KDM4B: variants seen among roughly 807,000 people sequenced by gnomAD.
The protein encoded by KDM4B is lysine demethylase 4B.
KDM4B carries 32 observed loss-of-function variants against 125.2 expected under a neutral mutation model. That is an observed-to-expected ratio of 0.26 (90% CI 0.19 to 0.34). The LOEUF (loss-of-function observed/expected upper bound fraction) is 0.34. KDM4B is among the 10% of genes least tolerant of loss of function. The probability of loss-of-function intolerance (pLI) is 1.00; values close to 1 mark genes in which losing one functional copy is unlikely to be tolerated. For synonymous variants in KDM4B, 721 were observed against 677.9 expected, an observed-to-expected ratio of 1.06 and a Z score of -0.99; for missense variants, 1,190 against 1,577.7, an observed-to-expected ratio of 0.75 and a Z score of 4.16.
chr19:5,119,788 C>A lies in KDM4B; in HGVS notation c.1251C>A (p.Asp417Glu), dbSNP rs1007972982. The A allele has an allele frequency of 1.3e-5, 20 of 1,543,868 alleles. No homozygotes were observed. Among genetic ancestry groups the A allele is most frequent in the Non-Finnish European group, 1.7e-5 (20 of 1,144,080 alleles). ...SVKEEAGPEV[D>E]PEEEEEEPQP... Reference sequence around the variant, plus strand: ...AGGAGGAGGCTGGGCCGGAGGTTGACCCCGAGGAGGAGGAGGAGGAGCCGC... The same window carrying A: ...AGGAGGAGGCTGGGCCGGAGGTTGAACCCGAGGAGGAGGAGGAGGAGCCGC... Residue 417 changes from aspartate to glutamate, a missense_variant, in exon 11 of 23, where the codon GAC becomes GAA. Transcript: ENST00000159111.
chr19:5,119,977 C>A, intron 11 of KDM4B, 125 bp downstream of exon 11: 3 of 1,243,432 alleles, frequency 2.4e-6, no homozygotes, highest in Non-Finnish European at 3.3e-6. Context: ...CAGTGGCTTT[C>A]TTGCCAGGGT....
chr19:5,145,046 C>G, intron 21 of KDM4B, 144 bp downstream of exon 21: 5 of 1,027,998 alleles, frequency 4.9e-6, no homozygotes, highest in Non-Finnish European at 7.0e-6. Flanking sequence ...GCCCGCAGGA[C>G]CCAGCTGAGC....
chr19:5,144,110 G>C lies in KDM4B; in HGVS notation c.2694G>C (p.Val898=). The change falls in exon 19 of 23, where the codon GTG becomes GTC. Residue 898 remains valine (V), a synonymous_variant. Coordinates refer to ENST00000159111, the MANE Select transcript of KDM4B (RefSeq NM_015015.3). Reference sequence around the variant, plus strand: ...TGGAGCCGGACGACTGGCCCTATGTGGTCTCCATCACCTGCCTCAAGCACA... The same window carrying C: ...TGGAGCCGGACGACTGGCCCTATGTCGTCTCCATCACCTGCCTCAAGCACA... ...VLMEPDDWPY[V]VSITCLKHKS... is the part of the protein sequence containing the mutation. 5 of 1,602,256 alleles carry C rather than the reference G, an allele frequency of 3.1e-6. No homozygotes were observed. Among genetic ancestry groups the C allele is most frequent in the Non-Finnish European group, 4.3e-6 (5 of 1,171,294 alleles).
intron 1 of KDM4B, among the ~76,000 whole-genome samples, chr19:5,004,169 T>G (rs2145447208): frequency 6.6e-6 from 1 of 152,270 alleles, no homozygotes; most frequent in African/African-American, 2.4e-5. Flanking sequence ...TGGCAGAGAC[T>G]TAAGGATGAG....
chr19:5,085,561 T>A (rs1373230696), intron 9 of KDM4B, among the ~76,000 whole-genome samples: 3 of 152,332 alleles, frequency 2.0e-5, no homozygotes, highest in East Asian at 1.9e-4. Flanking sequence ...CAGACTTAGA[T>A]TGGGCTCCAC....
At chr19:5,131,779 G>C in intron 12 of KDM4B, 108 bp from the exon 13 acceptor site, 1 of 1,395,954 alleles carries the variant, frequency 7.2e-7, no homozygotes, top group African/African-American at 1.4e-5. Flanking sequence ...AGTCACCCCA[G>C]GAGAGGAGAC....
chr19:5,126,031 A>C (rs2039443604), intron 11 of KDM4B, among the ~76,000 whole-genome samples: 1 of 152,202 alleles, frequency 6.6e-6, no homozygotes, highest in African/African-American at 2.4e-5. Flanking sequence ...GTCCTCCTTG[A>C]ATGCCAGTTT....
At chr19:5,149,577 G>T (rs1027587568) in intron 21 of KDM4B, among the ~76,000 whole-genome samples, 2 of 152,164 alleles carry the variant, frequency 1.3e-5, no homozygotes, top group South Asian at 4.1e-4. Flanking sequence ...ACCTTTCCTG[G>T]CTTGGGAACA....
intron 9 of KDM4B, among the ~76,000 whole-genome samples, chr19:5,097,669 G>A (rs529213208): frequency 1.3e-5 from 2 of 152,378 alleles, no homozygotes; most frequent in East Asian, 3.9e-4. Context: ...GACATGAAAA[G>A]CAGAGGACCG....
At chr19:5,033,227 G>A (rs1327037962) in intron 3 of KDM4B, among the ~76,000 whole-genome samples, 196 bp downstream of exon 3, 1 of 152,264 alleles carries the variant, frequency 6.6e-6, no homozygotes, top group African/African-American at 2.4e-5. Context: ...TCTAGGCACT[G>A]GAGTTGAGAA....
intron 2 of KDM4B, among the ~76,000 whole-genome samples, chr19:5,029,501 T>C (rs2036384630): frequency 6.6e-6 from 1 of 152,246 alleles, no homozygotes; most frequent in African/African-American, 2.4e-5. Context: ...TAGTTTTCTC[T>C]GTATGATTTA....
chr19:5,025,615 C>T (rs1055165878), intron 2 of KDM4B, among the ~76,000 whole-genome samples: 1 of 152,220 alleles, frequency 6.6e-6, no homozygotes, highest in African/African-American at 2.4e-5. Flanking sequence ...AGCCCAGCCC[C>T]CAGGGCCCAC....
chr19:5,116,377 C>A (rs2039256734), intron 10 of KDM4B, among the ~76,000 whole-genome samples: 1 of 151,780 alleles, frequency 6.6e-6, no homozygotes, highest in South Asian at 2.1e-4. Context: ...CTCCCCAAAT[C>A]TTTTACCTAG....
At chr19:5,102,431 C>T (rs920682688) in intron 9 of KDM4B, among the ~76,000 whole-genome samples, 1 of 152,120 alleles carries the variant, frequency 6.6e-6, no homozygotes, top group Admixed American at 6.5e-5. Flanking sequence ...AGGGGTCCTC[C>T]CTTGAAGGGT....
chr19:5,034,650 G>A (rs948449659), intron 3 of KDM4B, among the ~76,000 whole-genome samples: 3 of 152,146 alleles, frequency 2.0e-5, no homozygotes, highest in East Asian at 1.9e-4. Context: ...TTTCCGGGCC[G>A]CCTCCACCCT....
At chr19:4,973,189 C>G (rs1012739679) in intron 1 of KDM4B, among the ~76,000 whole-genome samples, 6 of 152,142 alleles carry the variant, frequency 3.9e-5, no homozygotes, top group Admixed American at 6.6e-5. Flanking sequence ...GTTGCACATA[C>G]TTTTATTTAT....
chr19:5,054,005 C>G (rs150204759), intron 6 of KDM4B, among the ~76,000 whole-genome samples: 1 of 152,358 alleles, frequency 6.6e-6, no homozygotes, highest in South Asian at 2.1e-4. Context: ...CTTCTGATGG[C>G]GACTGTGGCC....
At chr19:5,084,597 T>C (rs2038426721) in intron 9 of KDM4B, among the ~76,000 whole-genome samples, 1 of 143,446 alleles carries the variant, frequency 7.0e-6, no homozygotes, top group African/African-American at 2.5e-5. Context: ...ATATAAATTA[T>C]ATAAATTATA....
At chr19:5,106,375 G>A (rs1310268362) in intron 9 of KDM4B, among the ~76,000 whole-genome samples, 4 of 152,198 alleles carry the variant, frequency 2.6e-5, no homozygotes, top group Non-Finnish European at 5.9e-5. Flanking sequence ...GGATGAGCTT[G>A]CCTGGAGTGT....
Sources: allele counts gnomAD v4.1 joint callset (sites outside exome capture counted in the v4.1 genomes callset), GRCh38; gene constraint gnomAD v4.1.1; transcripts MANE v1.5; gene names NCBI Gene and HGNC (gene_info 2026-07-23, HGNC 2026-07-21).